The following NSA2 variants were observed in gnomAD, a reference collection of about 807,000 sequenced individuals.
NSA2 encodes the protein NSA2 ribosome biogenesis factor, also known as ribosome biogenesis protein NSA2 homolog.
NSA2 carries 18 observed loss-of-function variants against 34.8 expected under a neutral mutation model. The observed-to-expected ratio is 0.52, with a 90% CI of 0.36 to 0.77. NSA2 has a LOEUF of 0.77. NSA2 is among the 30% of genes least tolerant of loss of function. The pLI, the probability that NSA2 is intolerant of heterozygous loss-of-function variation, is 0.00. For synonymous variants in NSA2, 79 were observed against 100.2 expected (o/e 0.79, Z 1.26); for missense variants, 188 against 314.7 (o/e 0.60, Z 3.05).
chr5:74,770,576 TATTCTC>T (rs1561275056), intron 3 of NSA2, 49 bp from the exon 4 acceptor site: 30 of 1,329,810 alleles, frequency 2.3e-5, no homozygotes, highest in Non-Finnish European at 1.4e-5. Context: ...ATATTTGACT[TATTCTC>T]ATTGTCCTTT....
intron 5 of NSA2, 114 bp downstream of exon 5, chr5:74,774,174 A>C (rs1178494154): frequency 1.6e-6 from 1 of 610,924 alleles, no homozygotes; most frequent in Non-Finnish European, 2.9e-6. Flanking sequence ...AGTAGAGCTA[A>C]AACACTGTAA....
intron 4 of NSA2, among the ~76,000 whole-genome samples, chr5:74,771,914 A>C (rs1373429585): frequency 1.3e-5 from 2 of 151,996 alleles, no homozygotes; most frequent in Admixed American, 6.5e-5. Flanking sequence ...AGATAATTTA[A>C]TATAGCTTAA....
rs1745273158 is a variant in NSA2, at chr5:74,779,048, C to T, written c.*2377C>T. ...AACTTTTCCCTCTATAATCTATAAACCCCAAAATAACAATTTCTGTCAGAG... is the reference window on the plus strand; with the variant it reads ...AACTTTTCCCTCTATAATCTATAAATCCCAAAATAACAATTTCTGTCAGAG... On this transcript the variant is annotated 3_prime_UTR_variant, in exon 6 of 6. Transcript: ENST00000610426. 2 of 152,064 alleles carry T rather than the reference C, an allele frequency of 1.3e-5. No homozygotes were observed. Among genetic ancestry groups the T allele is most frequent in the African/African-American group, 4.8e-5 (2 of 41,424 alleles). The allele number at this position is 152,064 out of a possible 1,614,324, so 9.4% of individuals were successfully genotyped here.
intron 4 of NSA2, among the ~76,000 whole-genome samples, chr5:74,773,637 C>T (rs571035570): frequency 7.8e-4 from 119 of 152,264 alleles, no homozygotes; most frequent in African/African-American, 2.7e-3. Flanking sequence ...AAGACCCTGT[C>T]TCAAAAGAAA....
rs572799601 is a variant in NSA2 at position 74,768,243 on chromosome 5, T to G, written c.4-688T>G. 9.8e-4 allele frequency among the ~76,000 whole-genome samples: 150 copies of G among 152,336 alleles called. 1 individual carries two copies. The highest frequency in any genetic ancestry group is 3.4e-3 in the African/African-American group (143 of 41,560). ...TGATACCTATCATCTGGTCAGCGGG[T>G]AAACAGTGGTGTATCCATACAATAG... On this transcript the variant is annotated intron_variant, in intron 1 of 5. Transcript: ENST00000610426.
At chr5:74,770,885 C>T (rs1462982990) in intron 4 of NSA2, 75 bp downstream of exon 4, 4 of 1,150,360 alleles carry the variant, frequency 3.5e-6, no homozygotes, top group Admixed American at 2.7e-5. Context: ...ATTATCATTT[C>T]CTGAAATTCT....
chr5:74,779,708 C>T lies in NSA2; in HGVS notation c.*3037C>T, dbSNP rs1177210889. ...TTTCATTTAGAATGAAATAATCTGG[C>T]TTACCTTTGACTAATTAAAGAAAAT... On this transcript the variant is annotated 3_prime_UTR_variant, in exon 6 of 6. Coordinates refer to ENST00000610426, the MANE Select transcript of NSA2 (RefSeq NM_014886.6). 3 of 151,830 alleles carry T rather than the reference C, an allele frequency of 2.0e-5. No homozygotes were observed. Among genetic ancestry groups the T allele is most frequent in the Non-Finnish European group, 4.4e-5 (3 of 67,948 alleles). The allele number at this position is 151,830 out of a possible 1,614,324, so 9.4% of individuals were successfully genotyped here.
rs1036093229 is a variant in NSA2 at position 74,778,836 on chromosome 5, C to G, written c.*2165C>G. The stretch of plus-strand genomic sequence containing the variant: ...ACTATGTGTAATGTGACTGGACATT[C>G]AACAACTAGACTAGCCGGTTGAAAT... On this transcript the variant is annotated 3_prime_UTR_variant, in exon 6 of 6. Coordinates refer to ENST00000610426, the MANE Select transcript of NSA2 (RefSeq NM_014886.6). 3 of 152,210 alleles carry G rather than the reference C, an allele frequency of 2.0e-5. No homozygotes were observed. The highest frequency in any genetic ancestry group is 6.8e-3 in the Middle Eastern group (2 of 294). 9.4% of individuals were successfully genotyped at this position (152,210 alleles called of 1,614,324 possible). A position where few individuals can be genotyped will look rare whatever the true frequency, so the allele number is the denominator to read the frequency against.
At chr5:74,768,629 G>C (rs1378800676) in intron 1 of NSA2, among the ~76,000 whole-genome samples, 3 of 152,138 alleles carry the variant, frequency 2.0e-5, no homozygotes, top group African/African-American at 7.2e-5. Context: ...AAATGAAGGT[G>C]TTATTAAAAA....
chr5:74,770,331 T>TAAA (rs58512296), intron 3 of NSA2, among the ~76,000 whole-genome samples: 5 of 101,526 alleles, frequency 4.9e-5, no homozygotes, highest in Non-Finnish European at 1.0e-4. Context: ...AGACTCCATC[T>TAAA]AAAAAAAAAA....
chr5:74,771,641 A>G (rs1744932812), intron 4 of NSA2: 1 of 151,996 alleles, frequency 6.6e-6, no homozygotes, highest in South Asian at 2.1e-4. Flanking sequence ...AGGTCAGGTG[A>G]TCAAGACCAT....
chr5:74,775,898 A>G (rs1304327873), intron 5 of NSA2, among the ~76,000 whole-genome samples: 1 of 152,146 alleles, frequency 6.6e-6, no homozygotes, highest in East Asian at 1.9e-4. Context: ...TTCTTCAGTC[A>G]TTGGTTTATA....
At chr5:74,769,994 G>A (rs1055053140) in intron 3 of NSA2, among the ~76,000 whole-genome samples, 4 of 152,134 alleles carry the variant, frequency 2.6e-5, no homozygotes, top group Admixed American at 6.5e-5. Flanking sequence ...CACTCTTCCA[G>A]TATTATGCTA....
chr5:74,775,602 TC>T (rs1447228408), intron 5 of NSA2, among the ~76,000 whole-genome samples: 1 of 151,988 alleles, frequency 6.6e-6, no homozygotes, highest in Non-Finnish European at 1.5e-5. Context: ...AGAGCAAGCC[TC>T]CATCTCAAAA....
intron 4 of NSA2, 122 bp from the exon 5 acceptor site, chr5:74,773,746 A>C: frequency 1.4e-6 from 1 of 701,100 alleles, no homozygotes; most frequent in Middle Eastern, 4.1e-4. Context: ...AGCTTCTTTA[A>C]GATGACATTA....
At chr5:74,773,731 T>C in intron 4 of NSA2, 137 bp from the exon 5 acceptor site, 2 of 646,062 alleles carry the variant, frequency 3.1e-6, no homozygotes, top group Non-Finnish European at 5.2e-6. Context: ...AAAACATATT[T>C]TGTTAGCTTC....
In NSA2 at chr5:74,776,986, A is replaced by AAAG. The variant is rs1745152319; in HGVS notation, c.*316_*318dup. 1 of 203,760 alleles carries AAAG rather than the reference A, an allele frequency of 4.9e-6. No individual in the cohort carries two copies. Among genetic ancestry groups the AAAG allele is most frequent in the Admixed American group, 5.7e-5 (1 of 17,544 alleles). The allele number at this position is 203,760 out of a possible 1,614,324, so 12.6% of individuals were successfully genotyped here. A position where few individuals can be genotyped will look rare whatever the true frequency, so the allele number is the denominator to read the frequency against. ...AGTGTTCATTGAAAATGCCTTTCAAAAAGGTTAATACACAATTATGTGTCT... is the reference window on the plus strand; with the variant it reads ...AGTGTTCATTGAAAATGCCTTTCAAAAAGAAGGTTAATACACAATTATGTGTCT... On this transcript the variant is annotated 3_prime_UTR_variant, in exon 6 of 6. Transcript: ENST00000610426.
chr5:74,775,716 GAATA>G (rs906956366), intron 5 of NSA2, among the ~76,000 whole-genome samples: 4 of 151,234 alleles, frequency 2.6e-5, no homozygotes, highest in Admixed American at 6.6e-5. Flanking sequence ...AAAAAAAATA[GAATA>G]AATTAACCAT....
intron 5 of NSA2, among the ~76,000 whole-genome samples, chr5:74,775,512 G>A (rs1309169177): frequency 6.6e-6 from 1 of 151,692 alleles, no homozygotes; most frequent in South Asian, 2.1e-4. Flanking sequence ...AGCTACTCGG[G>A]AGGCTGAGGC....
Sources: allele counts gnomAD v4.1 joint callset (sites outside exome capture counted in the v4.1 genomes callset), GRCh38; gene constraint gnomAD v4.1.1; transcripts MANE v1.5; gene names NCBI Gene and HGNC (gene_info 2026-07-23, HGNC 2026-07-21).